COBL: variants seen among roughly 807,000 people sequenced by gnomAD.
The protein encoded by COBL is cordon-bleu WH2 repeat protein.
A neutral mutation model predicts 98.8 loss-of-function variants in COBL; 51 were observed. The ratio of observed to expected loss-of-function variants is 0.52; its 90% confidence interval spans 0.41 to 0.65. COBL has a LOEUF of 0.65. COBL is among the 30% of genes least tolerant of loss of function. The probability of loss-of-function intolerance (pLI) is 0.00; values close to 1 mark genes in which losing one functional copy is unlikely to be tolerated. For synonymous variants in COBL, 634 were observed against 651.7 expected (o/e 0.97, Z 0.41); for missense variants, 1,617 against 1,617.5 (o/e 1.00, Z 0.01).
chr7:51,169,117 A>T (rs562507141), intron 5 of COBL, among the ~76,000 whole-genome samples: 1 of 152,274 alleles, frequency 6.6e-6, no homozygotes, highest in Admixed American at 6.5e-5. Context: ...GAAGCCTGCT[A>T]CCCGGAGGCT....
rs1475943470 is a variant in COBL at position 51,016,993 on chromosome 7, A to C, written c.*558T>G. 3 of 403,906 alleles carry C rather than the reference A, an allele frequency of 7.4e-6. No homozygotes were observed. Among genetic ancestry groups the C allele is most frequent in the Non-Finnish European group, 1.3e-5 (3 of 229,674 alleles). 25.0% of individuals were successfully genotyped at this position (403,906 alleles called of 1,614,324 possible). On this transcript the variant is annotated 3_prime_UTR_variant, in exon 13 of 13. Transcript: ENST00000265136. The stretch of plus-strand genomic sequence containing the variant: ...TAGCCCCAAATATTTGAGGAAGAAG[A>C]ATCCAGCAGTTTTACTACCTAACAA...
At chr7:51,128,869 C>CCTGCTTGTGCCCTTA (rs1179966131) in intron 6 of COBL, among the ~76,000 whole-genome samples, 1 of 152,230 alleles carries the variant, frequency 6.6e-6, no homozygotes, top group East Asian at 1.9e-4. Flanking sequence ...TGCAAATGGG[C>CCTGCTTGTGCCCTTA]CTGCTTGTGC....
intron 6 of COBL, among the ~76,000 whole-genome samples, chr7:51,117,568 T>C (rs1348900101): frequency 6.6e-6 from 1 of 152,174 alleles, no homozygotes; most frequent in South Asian, 2.1e-4. Context: ...ATAGTTCTTA[T>C]TAACCATATG....
chr7:51,258,106 CACTT>C (rs1797365543), intron 1 of COBL, among the ~76,000 whole-genome samples: 1 of 152,072 alleles, frequency 6.6e-6, no homozygotes, highest in Admixed American at 6.5e-5. Flanking sequence ...CTAGAAGCAA[CACTT>C]AATTAGTGAA....
chr7:51,276,384 C>CT (rs1464890801), intron 1 of COBL, among the ~76,000 whole-genome samples: 1 of 152,170 alleles, frequency 6.6e-6, no homozygotes, highest in African/African-American at 2.4e-5. Context: ...ACCTGAGCTT[C>CT]TATGAAAGGA....
At chr7:51,185,921 C>T (rs1243170259) in intron 4 of COBL, among the ~76,000 whole-genome samples, 2 of 152,236 alleles carry the variant, frequency 1.3e-5, no homozygotes, top group Non-Finnish European at 2.9e-5. Flanking sequence ...AGCAAAGGTG[C>T]ACATCCTAGC....
chr7:51,177,250 A>C (rs1253139300), intron 5 of COBL, among the ~76,000 whole-genome samples: 1 of 152,158 alleles, frequency 6.6e-6, no homozygotes, highest in East Asian at 1.9e-4. Context: ...CCTCCTGAAA[A>C]TGCTGGGAGG....
chr7:51,110,093 A>G (rs1053985253), intron 6 of COBL, among the ~76,000 whole-genome samples: 5 of 152,222 alleles, frequency 3.3e-5, no homozygotes, highest in South Asian at 2.1e-4. Flanking sequence ...TTTAACCTCA[A>G]ACATTTAGCA....
intron 6 of COBL, among the ~76,000 whole-genome samples, chr7:51,110,073 T>C (rs910707333): frequency 2.0e-5 from 3 of 152,240 alleles, no homozygotes; most frequent in African/African-American, 4.8e-5. Context: ...ACCAGGGTAA[T>C]TGGGATATCT....
At chr7:51,292,092 A>G (rs1243678585) in intron 1 of COBL, among the ~76,000 whole-genome samples, 1 of 151,146 alleles carries the variant, frequency 6.6e-6, no homozygotes, top group Admixed American at 6.6e-5. Context: ...GGCTGTAGTG[A>G]GCCGAGATTG....
chr7:51,154,325 C>A (rs540366851), intron 5 of COBL, among the ~76,000 whole-genome samples: 1 of 152,268 alleles, frequency 6.6e-6, no homozygotes, highest in South Asian at 2.1e-4. Context: ...GTGCTATGAG[C>A]GCAAACTGAA....
intron 1 of COBL, among the ~76,000 whole-genome samples, chr7:51,259,202 G>A (rs943184485): frequency 2.0e-5 from 3 of 150,580 alleles, no homozygotes; most frequent in Non-Finnish European, 4.4e-5. Flanking sequence ...CAGAAGAATC[G>A]CTTGAACCTG....
chr7:51,182,370 C>T (rs1789060093), intron 5 of COBL, among the ~76,000 whole-genome samples: 1 of 151,750 alleles, frequency 6.6e-6, no homozygotes, highest in African/African-American at 2.4e-5. Context: ...CAACCTCTGC[C>T]TCCCGGATTC....
At chr7:51,067,106 A>G (rs1187319687) in intron 7 of COBL, among the ~76,000 whole-genome samples, 2 of 151,856 alleles carry the variant, frequency 1.3e-5, no homozygotes, top group African/African-American at 4.8e-5. Flanking sequence ...TCAGAGATAT[A>G]TTGTGTGTGG....
intron 5 of COBL, among the ~76,000 whole-genome samples, chr7:51,179,879 C>A (rs1433816598): frequency 6.6e-6 from 1 of 152,168 alleles, no homozygotes; most frequent in East Asian, 1.9e-4. Context: ...TGACAGAGCA[C>A]TGAAATGATT....
intron 5 of COBL, among the ~76,000 whole-genome samples, chr7:51,181,610 A>G (rs987436017): frequency 1.3e-5 from 2 of 152,214 alleles, no homozygotes; most frequent in African/African-American, 4.8e-5. Flanking sequence ...AGGCAAACGA[A>G]GTGTGTCCCA....
At chr7:51,053,461 C>T (rs921941552) in intron 7 of COBL, among the ~76,000 whole-genome samples, 1 of 152,226 alleles carries the variant, frequency 6.6e-6, no homozygotes, top group African/African-American at 2.4e-5. Context: ...CCTCCTCAAG[C>T]TGGCACACTG....
Position 51,193,570 on chromosome 7 carries a change from G to A in COBL, c.265C>T (p.Leu89=). The change falls in exon 3 of 13, where the codon CTG becomes TTG. Residue 89 remains leucine (L), a synonymous_variant. Coordinates refer to ENST00000265136, the MANE Select transcript of COBL (RefSeq NM_015198.5). The part of the protein sequence containing the change: ...LNGSHAMMDL[L]VELCLQNHLN... ...TGGTTCTGAAGGCAAAGTTCAACCA[G>A]TAGGTCCATCATCGCATGGCTGAAA... 6.2e-7 allele frequency: 1 copy of A among 1,614,140 alleles called. No individual in the cohort carries two copies. The highest frequency in any genetic ancestry group is 8.5e-7 in the Non-Finnish European group (1 of 1,180,010).
intron 1 of COBL, among the ~76,000 whole-genome samples, chr7:51,301,097 G>A (rs1801918681): frequency 6.6e-6 from 1 of 152,110 alleles, no homozygotes; most frequent in South Asian, 2.1e-4. Context: ...AGTGCGGTGG[G>A]ATACACGCAC....
Sources: gnomAD v4.1 joint callset for allele counts (sites outside exome capture counted in the v4.1 genomes callset) on GRCh38, gnomAD v4.1.1 for gene constraint, MANE v1.5 for transcripts, NCBI Gene and HGNC (gene_info 2026-07-23, HGNC 2026-07-21) for gene names.